ZSCAN25: variants seen among roughly 807,000 people sequenced by gnomAD.
ZSCAN25 encodes zinc finger and SCAN domain-containing protein 25.
Under a neutral mutation model 38.7 loss-of-function variants are expected in ZSCAN25, and 27 were observed. The observed-to-expected ratio is 0.70, with a 90% CI of 0.51 to 0.96. ZSCAN25 has a LOEUF of 0.96. ZSCAN25 is among the 40% of genes least tolerant of loss of function. ZSCAN25 has a pLI of 0.00. For missense variants in ZSCAN25, 637 were observed against 705.9 expected (o/e 0.90, Z 1.11); for synonymous variants, 273 against 277.7 (o/e 0.98, Z 0.17).
At chr7:99,639,440 G>C in the ZSCAN25 span, among the ~76,000 whole-genome samples, 3 of 152,292 alleles carry the variant, frequency 2.0e-5, no homozygotes, top group East Asian at 5.8e-4. Context: ...TCTGTATCAA[G>C]CAAACTAGGT....
chr7:99,709,759 A>G, the ZSCAN25 span, among the ~76,000 whole-genome samples: 1 of 139,720 alleles, frequency 7.2e-6, no homozygotes. Flanking sequence ...ACAAAGCAGG[A>G]TTTGTATTAT....
At chr7:99,635,530 T>G (rs1195263574), downstream of ZSCAN25, among the ~76,000 whole-genome samples, 3 of 152,230 alleles carry the variant, frequency 2.0e-5, no homozygotes, top group Non-Finnish European at 4.4e-5. Flanking sequence ...TACAATTTCT[T>G]ACCAAAAGGT....
At chr7:99,636,001 C>T (rs1225876431), downstream of ZSCAN25, among the ~76,000 whole-genome samples, 6 of 143,684 alleles carry the variant, frequency 4.2e-5, no homozygotes, top group Non-Finnish European at 7.5e-5. Context: ...GAGTGGAGAT[C>T]GCGCCACTGC....
chr7:99,663,331 C>T, the ZSCAN25 span: 1 of 995,012 alleles, frequency 1.0e-6, no homozygotes, highest in African/African-American at 1.7e-5. Context: ...TCAAATATTC[C>T]AACATTCTCA....
the ZSCAN25 span, among the ~76,000 whole-genome samples, chr7:99,728,656 A>G: frequency 6.6e-6 from 1 of 152,140 alleles, no homozygotes; most frequent in South Asian, 2.1e-4. Context: ...CTTATTCCCA[A>G]ATTGAAAAAA....
the ZSCAN25 span, among the ~76,000 whole-genome samples, chr7:99,709,674 C>A: frequency 6.6e-6 from 1 of 152,134 alleles, no homozygotes; most frequent in South Asian, 2.1e-4. Context: ...AAAGCAAATT[C>A]TCTGTGCGAC....
the ZSCAN25 span, chr7:99,731,241 T>C: frequency 6.8e-7 from 1 of 1,470,516 alleles, no homozygotes; most frequent in Non-Finnish European, 9.5e-7. Context: ...ACTGGAATGA[T>C]CAGGCAAAGG....
chr7:99,702,978 T>C, the ZSCAN25 span, among the ~76,000 whole-genome samples: 2 of 152,320 alleles, frequency 1.3e-5, no homozygotes, highest in East Asian at 3.9e-4. Context: ...TTAAGTTAAT[T>C]CTTAGGTATT....
the ZSCAN25 span, chr7:99,731,083 C>CA: frequency 1.3e-5 from 21 of 1,613,528 alleles, no homozygotes; most frequent in East Asian, 4.5e-4. Flanking sequence ...AAGCATTTCC[C>CA]AAAAAAGGCA....
intron 7 of ZSCAN25, among the ~76,000 whole-genome samples, chr7:99,628,900 A>G (rs1584367186): frequency 6.6e-6 from 1 of 152,218 alleles, no homozygotes; most frequent in African/African-American, 2.4e-5. Context: ...GAGTAAGAGA[A>G]TAATCGTGGT....
chr7:99,715,687 G>C, the ZSCAN25 span: 1 of 1,608,166 alleles, frequency 6.2e-7, no homozygotes, highest in Non-Finnish European at 8.5e-7. Context: ...GAATTACATG[G>C]TGATTTACAT....
chr7:99,689,745 A>C, the ZSCAN25 span, among the ~76,000 whole-genome samples: 1 of 152,240 alleles, frequency 6.6e-6, no homozygotes, highest in East Asian at 1.9e-4. Flanking sequence ...CTTACAAGGG[A>C]TGTGAAGGAC....
chr7:99,683,045 G>A, the ZSCAN25 span, among the ~76,000 whole-genome samples: 2 of 151,968 alleles, frequency 1.3e-5, no homozygotes. Flanking sequence ...TATATCATTT[G>A]GAAATCATTT....
chr7:99,655,365 G>C, the ZSCAN25 span, among the ~76,000 whole-genome samples: 1 of 152,144 alleles, frequency 6.6e-6, no homozygotes, highest in Admixed American at 6.6e-5. Flanking sequence ...TTTTTGTCAG[G>C]TTTGTCAAAG....
chr7:99,626,126 C>T (rs1256811100), intron 7 of ZSCAN25, among the ~76,000 whole-genome samples: 1 of 152,188 alleles, frequency 6.6e-6, no homozygotes, highest in Non-Finnish European at 1.5e-5. Context: ...GTTGTAATTG[C>T]AGTAATGTCC....
At chr7:99,621,041 G>A (rs1806909276) in intron 4 of ZSCAN25, 2 of 182,340 alleles carry the variant, frequency 1.1e-5, no homozygotes, top group South Asian at 3.9e-4. Context: ...TTTATTTTCA[G>A]CTTTTTCAAT....
chr7:99,699,182 C>G, the ZSCAN25 span, among the ~76,000 whole-genome samples: 3,556 of 151,658 alleles, frequency 0.023, 145 homozygotes, highest in South Asian at 0.18. Flanking sequence ...TTCCCATTAG[C>G]TGAGAAACAA....
chr7:99,657,987 G>A, the ZSCAN25 span, among the ~76,000 whole-genome samples: 2 of 152,154 alleles, frequency 1.3e-5, no homozygotes, highest in African/African-American at 4.8e-5. Context: ...CTTTGCACGT[G>A]AGATGGGTTT....
Position 99,624,084 on chromosome 7 carries a change from C to T in ZSCAN25, c.709C>T (p.Leu237=). Residue 237 remains leucine, a synonymous_variant, in exon 7 of 8, where the codon CTG becomes TTG. Transcript: ENST00000394152. The part of the protein sequence containing the change: ...QGLGPFKDMA[L]AFPEEEWRHV... ...GTTGGGGCCATTTAAAGATATGGCC[C>T]TGGCCTTCCCTGAGGAGGAGTGGAG... is the stretch of plus-strand genomic sequence containing the variant. The T allele has an allele frequency of 1.2e-6, 2 of 1,614,166 alleles. No individual in the cohort carries two copies. The highest frequency in any genetic ancestry group is 1.7e-6 in the Non-Finnish European group (2 of 1,180,042).
Sources: allele counts gnomAD v4.1 joint callset (sites outside exome capture counted in the v4.1 genomes callset), GRCh38; gene constraint gnomAD v4.1.1; transcripts MANE v1.5; gene names NCBI Gene and HGNC (gene_info 2026-07-23, HGNC 2026-07-21).